RIC1: variants seen among roughly 807,000 people sequenced by gnomAD.
RIC1 encodes the protein guanine nucleotide exchange factor subunit RIC1.
In RIC1, 88 loss-of-function variants were observed where a neutral mutation model predicts 169.0. The observed-to-expected ratio is 0.52, with a 90% CI of 0.44 to 0.62. RIC1 has a LOEUF of 0.62. Among genes scored for constraint, RIC1 ranks in the 20% least tolerant of loss-of-function variants. The pLI, the probability that RIC1 is intolerant of heterozygous loss-of-function variation, is 0.00. For missense variants in RIC1, 1,877 were observed against 1,725.5 expected (o/e 1.09, Z -1.56); for synonymous variants, 790 against 601.5 (o/e 1.31, Z -4.59).
chr9:5,691,648 A>G (rs1163480346), intron 3 of RIC1, among the ~76,000 whole-genome samples: 2 of 151,972 alleles, frequency 1.3e-5, no homozygotes, highest in Admixed American at 6.6e-5. Context: ...CTAAGTGATA[A>G]TTTTGTGATT....
intron 2 of RIC1, among the ~76,000 whole-genome samples, chr9:5,686,773 A>T (rs1275803512): frequency 6.7e-6 from 1 of 149,962 alleles, no homozygotes; most frequent in African/African-American, 2.5e-5. Context: ...AACTTAAAGT[A>T]TAATAATAAA....
At chr9:5,728,115 T>C (rs1824116595) in intron 6 of RIC1, among the ~76,000 whole-genome samples, 1 of 152,220 alleles carries the variant, frequency 6.6e-6, no homozygotes, top group Non-Finnish European at 1.5e-5. Context: ...CTGCTGCCTT[T>C]TGTTCAGCTA....
chr9:5,752,408 A>T (rs1362378843), intron 12 of RIC1, among the ~76,000 whole-genome samples: 6 of 151,894 alleles, frequency 4.0e-5, no homozygotes, highest in African/African-American at 1.4e-4. Context: ...TCATTTTGTC[A>T]ATTTTTATAT....
chr9:5,697,330 T>G (rs1821964893), intron 3 of RIC1, among the ~76,000 whole-genome samples: 1 of 152,214 alleles, frequency 6.6e-6, no homozygotes, highest in Non-Finnish European at 1.5e-5. Flanking sequence ...AAAACCTGTT[T>G]GTTTTCCTTC....
intron 2 of RIC1, among the ~76,000 whole-genome samples, chr9:5,673,737 C>T (rs955174794): frequency 6.6e-6 from 1 of 151,510 alleles, no homozygotes; most frequent in Non-Finnish European, 1.5e-5. Flanking sequence ...AATCAAATTG[C>T]ATGGTAATGT....
chr9:5,768,932 A>C, intron 21 of RIC1, 38 bp from the exon 22 acceptor site: 1 of 1,563,062 alleles, frequency 6.4e-7, no homozygotes, highest in East Asian at 2.3e-5. Flanking sequence ...TCCTCCAGTA[A>C]AGATTATTCT....
At chr9:5,693,535 A>G (rs553110775) in intron 3 of RIC1, among the ~76,000 whole-genome samples, 2 of 152,120 alleles carry the variant, frequency 1.3e-5, no homozygotes, top group African/African-American at 4.8e-5. Flanking sequence ...ATTCCATTGT[A>G]TATTACATTA....
chr9:5,722,021 T>A (rs1823625093), intron 6 of RIC1, among the ~76,000 whole-genome samples: 1 of 151,964 alleles, frequency 6.6e-6, no homozygotes, highest in Non-Finnish European at 1.5e-5. Context: ...CCCGAGTTGC[T>A]GGGATTACAG....
chr9:5,778,574 T>C (rs1333779270), downstream of RIC1, among the ~76,000 whole-genome samples: 1 of 152,234 alleles, frequency 6.6e-6, no homozygotes, highest in Non-Finnish European at 1.5e-5. Context: ...AGTTTGTCTT[T>C]TACAAAAATC....
chr9:5,740,292 G>T (rs1825000534), intron 8 of RIC1, among the ~76,000 whole-genome samples: 2 of 152,126 alleles, frequency 1.3e-5, no homozygotes, highest in South Asian at 4.2e-4. Flanking sequence ...CGTACTATTA[G>T]AAATAGAGTC....
intron 1 of RIC1, among the ~76,000 whole-genome samples, chr9:5,641,466 T>G (rs1818243118): frequency 6.6e-6 from 1 of 152,106 alleles, no homozygotes; most frequent in African/African-American, 2.4e-5. Flanking sequence ...CAGATATCTT[T>G]CTCTAGGTTT....
chr9:5,722,039 C>T (rs1338770128), intron 6 of RIC1, among the ~76,000 whole-genome samples: 3 of 152,010 alleles, frequency 2.0e-5, no homozygotes, highest in South Asian at 2.1e-4. Context: ...CAGGCATGCA[C>T]CACCACGCCC....
chr9:5,649,297 T>C (rs950354483), intron 1 of RIC1, among the ~76,000 whole-genome samples: 1 of 152,226 alleles, frequency 6.6e-6, no homozygotes, highest in Non-Finnish European at 1.5e-5. Flanking sequence ...CTTTTTCTGC[T>C]CCTTTGATCT....
intron 2 of RIC1, among the ~76,000 whole-genome samples, chr9:5,670,210 T>G (rs140575369): frequency 0.012 from 1,877 of 152,304 alleles, 25 homozygotes; most frequent in Middle Eastern, 0.041. Flanking sequence ...GGCTGTGGAG[T>G]TGAGGCATTT....
chr9:5,629,520 AC>A, intron 1 of RIC1, 67 bp downstream of exon 1: 1 of 1,467,414 alleles, frequency 6.8e-7, no homozygotes, highest in Non-Finnish European at 9.0e-7. Flanking sequence ...CCCACCCCCA[AC>A]TTCCACCCAG....
chr9:5,724,505 A>C (rs1823826478), intron 6 of RIC1, among the ~76,000 whole-genome samples: 1 of 152,220 alleles, frequency 6.6e-6, no homozygotes, highest in East Asian at 1.9e-4. Context: ...TCATCTGCAA[A>C]CAGGGACAAT....
rs10118116 is a variant in RIC1 at position 5,772,730 on chromosome 9, G to A, written c.3783G>A (p.Gln1261=). ...CCAGTAAAGGGCCTCATAAATCCCA[G>A]GTCCAGCTTCGGTGAGTTTCTTGGC... The part of the protein sequence containing the change: ...ELASKGPHKS[Q]VQLRYLLHIF... The change falls in exon 24 of 26, where the codon CAG becomes CAA. Residue 1261 remains glutamine, a synonymous_variant. Transcript: ENST00000414202. 2.1e-3 allele frequency: 3,309 copies of A among 1,604,978 alleles called. 55 individuals carry two copies. In the African/African-American group the frequency reaches 0.04, roughly 19 times the overall value.
intron 6 of RIC1, among the ~76,000 whole-genome samples, chr9:5,722,803 C>T (rs781482046): frequency 1.1e-4 from 16 of 151,802 alleles, no homozygotes; most frequent in Non-Finnish European, 1.5e-4. Context: ...TCAGAACATA[C>T]GGTGTTTGGT....
At chr9:5,752,194 G>C (rs1825762040) in intron 12 of RIC1, among the ~76,000 whole-genome samples, 1 of 152,130 alleles carries the variant, frequency 6.6e-6, no homozygotes, top group Non-Finnish European at 1.5e-5. Flanking sequence ...AAAGATGTAA[G>C]ACAGACAACG....
Sources: allele counts gnomAD v4.1 joint callset (sites outside exome capture counted in the v4.1 genomes callset), GRCh38; gene constraint gnomAD v4.1.1; transcripts MANE v1.5; gene names NCBI Gene and HGNC (gene_info 2026-07-23, HGNC 2026-07-21).